The following MTMR4 variants were observed in gnomAD, a reference collection of about 807,000 sequenced individuals.
The protein encoded by MTMR4 is phosphatidylinositol-3,5-bisphosphate 3-phosphatase MTMR4.
A neutral mutation model predicts 125.5 loss-of-function variants in MTMR4; 30 were observed. That is an observed-to-expected ratio of 0.24 (90% confidence interval 0.18 to 0.32). The LOEUF (loss-of-function observed/expected upper bound fraction) is 0.32, where lower values mean the gene tolerates loss of function less well. Among genes scored for constraint, MTMR4 ranks in the 10% least tolerant of loss-of-function variants. The pLI is 1.00. For synonymous variants in MTMR4, 498 were observed against 564.5 expected, an observed-to-expected ratio of 0.88 and a Z score of 1.67; for missense variants, 1,039 against 1,511.5, an observed-to-expected ratio of 0.69 and a Z score of 5.18.
At chr17:58,501,831 G>A (rs1271329679) in intron 14 of MTMR4, among the ~76,000 whole-genome samples, 1 of 151,910 alleles carries the variant, frequency 6.6e-6, no homozygotes, top group Non-Finnish European at 1.5e-5. Context: ...AGGCCGAGAT[G>A]GTGGATAACT....
chr17:58,509,392 G>A (rs2143917390), intron 4 of MTMR4, among the ~76,000 whole-genome samples: 1 of 150,048 alleles, frequency 6.7e-6, no homozygotes, highest in East Asian at 2.0e-4. Flanking sequence ...GATTCTTAAT[G>A]TGCTTGGAAT....
chr17:58,511,642 T>C, intron 3 of MTMR4, 131 bp from the exon 4 acceptor site: 1 of 696,452 alleles, frequency 1.4e-6, no homozygotes, highest in Non-Finnish European at 2.5e-6. Flanking sequence ...GTTAAGCACC[T>C]GGTAACTGTA....
At chr17:58,514,812 G>A (rs1458662525), upstream of MTMR4, among the ~76,000 whole-genome samples, 1 of 152,110 alleles carries the variant, frequency 6.6e-6, no homozygotes, top group Non-Finnish European at 1.5e-5. Context: ...TCTGGGCTAC[G>A]GGACCGCCCA....
intron 14 of MTMR4, among the ~76,000 whole-genome samples, chr17:58,502,828 A>T (rs1975678122): frequency 6.6e-6 from 1 of 152,254 alleles, no homozygotes; most frequent in South Asian, 2.1e-4. Context: ...CTGTGGGGAC[A>T]AGGATCATAA....
intron 14 of MTMR4, among the ~76,000 whole-genome samples, chr17:58,501,695 T>C (rs1224812416): frequency 6.6e-6 from 1 of 151,806 alleles, no homozygotes; most frequent in Non-Finnish European, 1.5e-5. Flanking sequence ...CGCGTATATA[T>C]GTATATATAT....
intron 17 of MTMR4, 25 bp downstream of exon 17, chr17:58,492,486 T>C (rs759305889): frequency 1.2e-5 from 19 of 1,543,642 alleles, no homozygotes; most frequent in Non-Finnish European, 1.6e-5. Flanking sequence ...TTTTTTGTCA[T>C]ACTAAATCAT....
chr17:58,491,428 C>T lies in MTMR4; in HGVS notation c.*235G>A. On this transcript the variant is annotated 3_prime_UTR_variant, in exon 18 of 18. Coordinates refer to ENST00000682306, the MANE Select transcript of MTMR4 (RefSeq NM_001378067.1). ...AGTCACCAACTCAACATTAAGCTTC[C>T]AGACCCTGGGTCTGGGTTAGGACCA... is the stretch of plus-strand genomic sequence containing the variant. 6.2e-6 allele frequency: 2 copies of T among 323,742 alleles called. No homozygotes were observed. Among genetic ancestry groups the T allele is most frequent in the South Asian group, 1.3e-4 (2 of 15,434 alleles). The allele number at this position is 323,742 out of a possible 1,614,324, so 20.1% of individuals were successfully genotyped here.
chr17:58,502,810 G>C (rs1975677499), intron 14 of MTMR4, among the ~76,000 whole-genome samples: 1 of 152,234 alleles, frequency 6.6e-6, no homozygotes, highest in African/African-American at 2.4e-5. Context: ...AATGTTAGCA[G>C]TGGACACCTG....
At position 58,496,123 on chromosome 17, in the gene MTMR4, C is replaced by A; in HGVS notation, c.2061G>T (p.Val687=). 2 of 1,614,184 alleles carry A rather than the reference C, an allele frequency of 1.2e-6. No individual in the cohort carries two copies. Among genetic ancestry groups the A allele is most frequent in the Middle Eastern group, 1.6e-4 (1 of 6,062 alleles). The change falls in exon 15 of 18, where the codon GTG becomes GTT. Residue 687 remains valine (V), a synonymous_variant. Transcript: ENST00000682306. The part of the protein sequence containing the change: ...VGGPQQTVGE[V]GLPPPLPSSQ... ...TGCTGGGCAGAGGAGGAGGAAGACC[C>A]ACTTCTCCTACAGTTTGCTGAGGCC...
In MTMR4 at chr17:58,504,653, A is replaced by T. The variant is rs911503379; in HGVS notation, c.1341+126T>A. ...AATTTTCCAAGCCTTTGGGAGTTGG[A>T]AAAAAAAAGAAAAAAAGAGCCACCA... On this transcript the variant is annotated intron_variant, in intron 11 of 17. Coordinates refer to ENST00000682306, the MANE Select transcript of MTMR4 (RefSeq NM_001378067.1). This position sits in a 1 kb window ranked among gnomAD's most constrained non-coding sequence, Gnocchi z 7.1. The T allele has an allele frequency of 2.3e-6, 3 of 1,315,986 alleles. No homozygotes were observed. The South Asian group carries it at 4.5e-5, about 20-fold the overall frequency. The allele number at this position is 1,315,986 out of a possible 1,614,324, so 81.5% of individuals were successfully genotyped here. A position where few individuals can be genotyped will look rare whatever the true frequency, so the allele number is the denominator to read the frequency against.
chr17:58,507,036 C>T, intron 8 of MTMR4, 87 bp downstream of exon 8: 1 of 1,582,842 alleles, frequency 6.3e-7, no homozygotes. Context: ...TGTCATCTTC[C>T]CAGACTCTCA....
rs765378282 is a variant in MTMR4, at chr17:58,512,952, G to A, written c.46-11C>T. 4.4e-6 allele frequency: 7 copies of A among 1,604,362 alleles called. No individual in the cohort carries two copies. The African/African-American group carries it at 9.4e-5, about 22-fold the overall frequency. On this transcript the variant is annotated splice_polypyrimidine_tract_variant and intron_variant, in intron 1 of 17. Transcript: ENST00000682306. This position sits in a 1 kb window ranked among gnomAD's most constrained non-coding sequence, Gnocchi z 4.1. ...GGGCCCCTCCTCACCCTGTAGGAAG[G>A]CCACAGTCCTAAGTCACCAAGCTCC...
chr17:58,506,941 C>T, intron 8 of MTMR4, 70 bp from the exon 9 acceptor site: 1 of 1,576,478 alleles, frequency 6.3e-7, no homozygotes, highest in Admixed American at 1.8e-5. Context: ...CTCTGGCACT[C>T]CCTCTCAGAA....
chr17:58,500,271 C>T (rs533268124), intron 14 of MTMR4, among the ~76,000 whole-genome samples: 87 of 152,224 alleles, frequency 5.7e-4, no homozygotes, highest in Admixed American at 3.3e-3. Flanking sequence ...GGACCACAGG[C>T]GCACGCCACC....
chr17:58,508,863 G>A lies in MTMR4; in HGVS notation c.336-22C>T. ...GCACCTGCCAGGCAAGAAGCCACAG[G>A]CCTAGGTGAGGCAAAGTGCAGTTGT... On this transcript the variant is annotated intron_variant, in intron 4 of 17. Transcript: ENST00000682306. The surrounding 1 kb of genome is among the most constrained non-coding windows in gnomAD (Gnocchi z 4.8). 1.2e-6 allele frequency: 2 copies of A among 1,605,278 alleles called. No homozygotes were observed. Among genetic ancestry groups the A allele is most frequent in the Non-Finnish European group, 1.7e-6 (2 of 1,172,942 alleles).
chr17:58,516,597 G>A (rs777038162), upstream of MTMR4: 1 of 1,614,126 alleles, frequency 6.2e-7, no homozygotes, highest in South Asian at 1.1e-5. Context: ...CCGTGGCAAG[G>A]GTACTGGCTG....
chr17:58,500,371 C>T lies in MTMR4; in HGVS notation c.1853+3373G>A, dbSNP rs150568445. 7.6e-3 allele frequency among the ~76,000 whole-genome samples: 1,152 copies of T among 152,230 alleles called. 15 individuals are homozygous for T. The highest frequency in any genetic ancestry group is 0.026 in the African/African-American group (1,065 of 41,538). On this transcript the variant is annotated intron_variant, in intron 14 of 17. Transcript: ENST00000682306. ...CAAACTCCTGGGCTCAAGCAATCTG[C>T]GCACCTTGGCCTCCCAAAGTGCTGG...
Position 58,504,170 on chromosome 17 carries a change from G to A in MTMR4, c.1578C>T (p.Ala526=). The A allele has an allele frequency of 6.2e-7, 1 of 1,612,702 alleles. No individual in the cohort carries two copies. Among genetic ancestry groups the A allele is most frequent in the Non-Finnish European group, 8.5e-7 (1 of 1,179,348 alleles). The change falls in exon 13 of 18, where the codon GCC becomes GCT. Residue 526 remains alanine (A), a synonymous_variant. Coordinates refer to ENST00000682306, the MANE Select transcript of MTMR4 (RefSeq NM_001378067.1). The surrounding 1 kb of genome is among the most constrained non-coding windows in gnomAD (Gnocchi z 7.1). The stretch of plus-strand genomic sequence containing the variant: ...GCTTCTCTCGCTCACAGGGGTTGTT[G>A]GCCAGGAAGGTGCCGTAGAGGCAGG... The part of the protein sequence containing the change: ...TYSCLYGTFL[A]NNPCEREKRN...
intron 14 of MTMR4, among the ~76,000 whole-genome samples, chr17:58,503,098 T>G (rs749227237): frequency 1.3e-5 from 2 of 152,184 alleles, no homozygotes; most frequent in Non-Finnish European, 2.9e-5. Flanking sequence ...TTGCTACTAA[T>G]ATAGCAAGCT....
Sources: gnomAD v4.1 joint callset for allele counts (sites outside exome capture counted in the v4.1 genomes callset) on GRCh38, gnomAD v4.1.1 for gene constraint, Gnocchi (gnomAD v3.1) non-coding constraint, MANE v1.5 for transcripts, NCBI Gene and HGNC (gene_info 2026-07-23, HGNC 2026-07-21) for gene names.